ZNF69: variants seen among roughly 807,000 people sequenced by gnomAD.
ZNF69 encodes the protein zinc finger protein 69.
In ZNF69, 47 loss-of-function variants were observed where a neutral mutation model predicts 50.9. The observed-to-expected ratio is 0.92, with a 90% CI of 0.73 to 1.18. ZNF69 has a LOEUF of 1.18. Among genes scored for constraint, ZNF69 ranks in the 50% most tolerant of loss-of-function variants. The pLI, the probability that ZNF69 is intolerant of heterozygous loss-of-function variation, is 0.00. For missense variants in ZNF69, 717 were observed against 675.1 expected (o/e 1.06, Z -0.69); for synonymous variants, 216 against 223.1 (o/e 0.97, Z 0.29).
chr19:11,928,869 CAA>C, the ZNF69 span, among the ~76,000 whole-genome samples: 1 of 147,708 alleles, frequency 6.8e-6, no homozygotes, highest in Non-Finnish European at 1.5e-5. Context: ...GGCTTGATCT[CAA>C]GAGTTCAAGA....
At chr19:11,949,408 C>T in the ZNF69 span, 15 of 1,613,610 alleles carry the variant, frequency 9.3e-6, no homozygotes, top group East Asian at 4.5e-5. Context: ...CTCACACCTT[C>T]GAGTGCATGG....
chr19:11,922,057 G>C, the ZNF69 span, among the ~76,000 whole-genome samples: 6 of 151,480 alleles, frequency 4.0e-5, no homozygotes, highest in Non-Finnish European at 7.4e-5. Flanking sequence ...AGAAGATAAC[G>C]ATGTCCAAAT....
chr19:11,912,232 T>C (rs975526532), intron 4 of ZNF69, among the ~76,000 whole-genome samples: 1 of 151,844 alleles, frequency 6.6e-6, no homozygotes, highest in South Asian at 2.1e-4. Context: ...TTCCATAATT[T>C]CTCTTCTTTG....
At chr19:11,952,465 C>T in the ZNF69 span, among the ~76,000 whole-genome samples, 1 of 152,136 alleles carries the variant, frequency 6.6e-6, no homozygotes, top group African/African-American at 2.4e-5. Flanking sequence ...TTGTCAACAG[C>T]CTGCTTATCT....
chr19:11,917,789 C>CTTTTTTTTTT (rs74965943), downstream of ZNF69, among the ~76,000 whole-genome samples: 1 of 110,684 alleles, frequency 9.0e-6, no homozygotes, highest in Non-Finnish European at 1.8e-5. Context: ...CCACACCCTG[C>CTTTTTTTTTT]TTTTTTTTTT....
the ZNF69 span, among the ~76,000 whole-genome samples, chr19:11,967,458 G>A: frequency 2.0e-5 from 3 of 151,998 alleles, no homozygotes; most frequent in Admixed American, 1.3e-4. Context: ...AGGCTGGAGT[G>A]CAGTGGCGCG....
At chr19:11,960,605 T>G in the ZNF69 span, among the ~76,000 whole-genome samples, 2 of 116,010 alleles carry the variant, frequency 1.7e-5, no homozygotes, top group Non-Finnish European at 3.3e-5. Context: ...TGAGCGGTTT[T>G]TTTTTTTTTT....
rs757922664 is a variant in ZNF69, at chr19:11,905,864, T to C, written c.1467T>C (p.Cys489=). Residue 489 remains cysteine, a synonymous_variant, in exon 4 of 4, where the codon TGT becomes TGC. Coordinates refer to ENST00000429654, the MANE Select transcript of ZNF69 (RefSeq NM_001364730.1). ...KCKLCGKGFY[C]PKSLQRHEKT... ...AGCTATGTGGGAAAGGCTTTTATTG[T>C]CCCAAATCATTGCAAAGACATGAAA... 6.2e-7 allele frequency: 1 copy of C among 1,613,828 alleles called. No homozygotes were observed. Among genetic ancestry groups the C allele is most frequent in the South Asian group, 1.1e-5 (1 of 91,070 alleles).
chr19:11,975,795 T>C, the ZNF69 span, among the ~76,000 whole-genome samples: 1 of 152,114 alleles, frequency 6.6e-6, no homozygotes, highest in Non-Finnish European at 1.5e-5. Flanking sequence ...CACTGCTCAT[T>C]ACTGCCACCC....
chr19:11,954,398 A>T, the ZNF69 span, among the ~76,000 whole-genome samples: 2 of 152,198 alleles, frequency 1.3e-5, no homozygotes, highest in Non-Finnish European at 2.9e-5. Flanking sequence ...AATTTTAAGT[A>T]ATAGAGTCAG....
At chr19:11,950,497 A>G in the ZNF69 span, 3 of 637,598 alleles carry the variant, frequency 4.7e-6, no homozygotes, top group Non-Finnish European at 8.7e-6. Context: ...TCCGTTTGAT[A>G]TCATGAAAGG....
intron 1 of ZNF69, 101 bp downstream of exon 1, chr19:11,888,087 G>A: frequency 8.3e-7 from 1 of 1,207,204 alleles, no homozygotes; most frequent in Non-Finnish European, 1.2e-6. Context: ...GGCGACTTTG[G>A]GATCTGGGAC....
downstream of ZNF69, among the ~76,000 whole-genome samples, chr19:11,916,531 C>T (rs189058811): frequency 1.5e-3 from 222 of 152,332 alleles, no homozygotes; most frequent in Non-Finnish European, 2.7e-3. Context: ...ATGAGAATCA[C>T]TTGAACCAGG....
intron 1 of ZNF69, among the ~76,000 whole-genome samples, chr19:11,898,252 A>G (rs1972169329): frequency 6.6e-6 from 1 of 152,126 alleles, no homozygotes; most frequent in Non-Finnish European, 1.5e-5. Context: ...TGAACCTTAT[A>G]TGGAATGATA....
the ZNF69 span, among the ~76,000 whole-genome samples, chr19:11,931,879 G>A: frequency 1.3e-5 from 2 of 148,148 alleles, no homozygotes; most frequent in African/African-American, 5.3e-5. Flanking sequence ...ACTTTAGGAG[G>A]TCAATGCATG....
chr19:11,975,678 C>T, the ZNF69 span, among the ~76,000 whole-genome samples: 4 of 146,550 alleles, frequency 2.7e-5, no homozygotes, highest in East Asian at 2.0e-4. Flanking sequence ...CACCGCACCC[C>T]GGCCTTTAAG....
At chr19:11,977,733 G>A in the ZNF69 span, among the ~76,000 whole-genome samples, 447 of 152,176 alleles carry the variant, frequency 2.9e-3, 1 homozygote, top group African/African-American at 1.0e-2. Flanking sequence ...GGTATGCATC[G>A]TAGTCCTAGC....
the ZNF69 span, among the ~76,000 whole-genome samples, chr19:11,954,274 C>G: frequency 0.062 from 9,414 of 152,242 alleles, 979 homozygotes; most frequent in African/African-American, 0.21. Flanking sequence ...AAGACAGATT[C>G]TGCAAGAGGA....
chr19:11,915,741 T>C (rs1185178970), downstream of ZNF69, among the ~76,000 whole-genome samples: 2 of 151,776 alleles, frequency 1.3e-5, no homozygotes, highest in African/African-American at 2.4e-5. Context: ...CCATCTCTAC[T>C]AAAAATACAA....
Sources: allele counts gnomAD v4.1 joint callset (sites outside exome capture counted in the v4.1 genomes callset), GRCh38; gene constraint gnomAD v4.1.1; transcripts MANE v1.5; gene names NCBI Gene and HGNC (gene_info 2026-07-23, HGNC 2026-07-21).